The following GABRR3 variants were observed in gnomAD, a reference collection of about 807,000 sequenced individuals.
GABRR3 encodes gamma-aminobutyric acid type A receptor subunit rho3.
In GABRR3, 29 loss-of-function variants were observed where a neutral mutation model predicts 43.2. The observed-to-expected ratio is 0.67, with a 90% CI of 0.50 to 0.92. GABRR3 has a LOEUF of 0.92. GABRR3 is among the 40% of genes least tolerant of loss of function. The pLI is 0.00. For missense variants in GABRR3, 576 were observed against 572.3 expected (o/e 1.01, Z -0.07); for synonymous variants, 206 against 195.9 (o/e 1.05, Z -0.43).
chr3:98,034,737 A>G (rs1246250061), intron 2 of GABRR3, 126 bp downstream of exon 2: 2 of 1,158,610 alleles, frequency 1.7e-6, no homozygotes, highest in Non-Finnish European at 2.5e-6. Flanking sequence ...TGCTATCTCT[A>G]GAGACAGACA....
At position 98,003,032 on chromosome 3, in the gene GABRR3, T is replaced by TAAC. The variant is rs1706672931; in HGVS notation, c.755-1268_755-1266dup. Among the ~76,000 whole-genome samples the TAAC allele has an allele frequency of 3.3e-5, 5 of 152,312 alleles. No homozygotes were observed. In the South Asian group the frequency reaches 1.0e-3, roughly 32 times the overall value. On this transcript the variant is annotated intron_variant, in intron 7 of 9. Transcript: ENST00000621172. ...TCTTCCTTACCTAGTTCTAAGCTTCTAACAGTCAGTTTATATATGTTCAGG... is the reference window on the plus strand; with the variant it reads ...TCTTCCTTACCTAGTTCTAAGCTTCTAACAACAGTCAGTTTATATATGTTCAGG...
intron 3 of GABRR3, among the ~76,000 whole-genome samples, chr3:98,019,256 A>G (rs941006342): frequency 1.3e-5 from 2 of 152,242 alleles, no homozygotes; most frequent in African/African-American, 4.8e-5. Flanking sequence ...GATGTGCTAC[A>G]TGGGACAGGC....
At chr3:97,998,077 A>G (rs1430382322) in intron 8 of GABRR3, 1 of 148,898 alleles carries the variant, frequency 6.7e-6, no homozygotes, top group Non-Finnish European at 1.5e-5. Context: ...TAAAAATAGT[A>G]AAAAAAAAAC....
rs116311772 is a variant in GABRR3 at position 98,002,685 on chromosome 3, A to G, written c.755-918T>C. ...TACTAAAATAAGGCAATACATGAGG[A>G]AACATGGAAATACATCTTTTCTGAA... On this transcript the variant is annotated intron_variant, in intron 7 of 9. Coordinates refer to ENST00000621172, the Ensembl canonical transcript of GABRR3. Among the ~76,000 whole-genome samples the G allele has an allele frequency of 5.0e-3, 759 of 152,262 alleles. 5 individuals are homozygous for G. Among genetic ancestry groups the G allele is most frequent in the African/African-American group, 0.017 (716 of 41,570 alleles).
intron 9 of GABRR3, among the ~76,000 whole-genome samples, chr3:97,992,468 T>C (rs1416930357): frequency 6.6e-6 from 1 of 152,162 alleles, no homozygotes; most frequent in Non-Finnish European, 1.5e-5. Context: ...TGACATAATA[T>C]GTTACATGGT....
chr3:97,989,094 A>G (rs1307539223), intron 9 of GABRR3, among the ~76,000 whole-genome samples: 1 of 137,576 alleles, frequency 7.3e-6, no homozygotes, highest in Admixed American at 7.1e-5. Context: ...TTATTGGTGG[A>G]TGGTGGGTGA....
chr3:97,992,590 G>T (rs1706485549), intron 9 of GABRR3, among the ~76,000 whole-genome samples: 2 of 152,044 alleles, frequency 1.3e-5, no homozygotes, highest in Admixed American at 6.6e-5. Flanking sequence ...TATTCAAAGG[G>T]TACAGTTGGG....
chr3:97,986,066 A>G (rs1201262413), downstream of GABRR3, among the ~76,000 whole-genome samples: 1 of 152,128 alleles, frequency 6.6e-6, no homozygotes. Flanking sequence ...GGGTTTCACC[A>G]TGTTGGCCAG....
At chr3:98,019,384 T>G (rs1706910496) in intron 3 of GABRR3, among the ~76,000 whole-genome samples, 2 of 152,258 alleles carry the variant, frequency 1.3e-5, no homozygotes, top group South Asian at 4.1e-4. Flanking sequence ...CACCTTCACT[T>G]TATTAACAAA....
chr3:97,987,615 C>T (rs886619926), intron 9 of GABRR3, among the ~76,000 whole-genome samples: 3 of 152,182 alleles, frequency 2.0e-5, no homozygotes, highest in Admixed American at 6.5e-5. Flanking sequence ...AGAATAAATG[C>T]TGCCAAAACA....
At chr3:98,019,884 T>C (rs1303604348) in intron 3 of GABRR3, among the ~76,000 whole-genome samples, 1 of 152,194 alleles carries the variant, frequency 6.6e-6, no homozygotes, top group African/African-American at 2.4e-5. Flanking sequence ...AATTTTTAAA[T>C]AGTGTTTAAT....
chr3:98,022,136 A>G (rs1706956607), intron 3 of GABRR3, among the ~76,000 whole-genome samples: 1 of 152,242 alleles, frequency 6.6e-6, no homozygotes. Flanking sequence ...GTATCTGCAT[A>G]CTGAAATGAT....
chr3:98,001,645 G>C lies in GABRR3; in HGVS notation c.877C>G (p.Arg293Gly), dbSNP rs998824184. Reference sequence around the variant, plus strand: ...GAAACTCTTGCAGGAACAGCTCTTCGGTCAATCCAAAATGAAACCCATGAA... The same window carrying C: ...GAAACTCTTGCAGGAACAGCTCTTCCGTCAATCCAAAATGAAACCCATGAA... Residue 293 changes from arginine (R) to glycine (G), a missense_variant, in exon 8 of 10, where the codon CGA becomes GGA. By Grantham distance (125) the Arg-to-Gly change is moderately radical (BLOSUM62 -2). Transcript: ENST00000621172. 9 of 1,612,930 alleles carry C rather than the reference G, an allele frequency of 5.6e-6. No individual in the cohort carries two copies. The East Asian group carries it at 8.9e-5, about 16-fold the overall frequency.
rs1706426566 is a variant in GABRR3 at position 97,989,029 on chromosome 3, GGTA to G, written c.1105-2050_1105-2048del. On this transcript the variant is annotated intron_variant, in intron 9 of 9. Coordinates refer to ENST00000621172, the Ensembl canonical transcript of GABRR3. ...ATGGTGCATGGTGGTGCGGGTATATGGTAGTGGTGGTGGGTGGTGAGTGGTGGT... is the reference window on the plus strand; with the variant it reads ...ATGGTGCATGGTGGTGCGGGTATATGGTGGTGGTGGGTGGTGAGTGGTGGT... 4.0e-5 allele frequency among the ~76,000 whole-genome samples: 6 copies of G among 151,232 alleles called. No individual in the cohort carries two copies. The South Asian group carries it at 1.3e-3, about 32-fold the overall frequency.
Sources: allele counts gnomAD v4.1 joint callset (sites outside exome capture counted in the v4.1 genomes callset), GRCh38; gene constraint gnomAD v4.1.1; transcripts MANE v1.5; gene names NCBI Gene and HGNC (gene_info 2026-07-23, HGNC 2026-07-21).